Variants in CYRIB observed in about 807,000 individuals in gnomAD.
CYRIB encodes CYFIP related Rac1 interactor B.
In CYRIB, 8 loss-of-function variants were observed where a neutral mutation model predicts 44.2. The ratio of observed to expected loss-of-function variants is 0.18; its 90% CI spans 0.11 to 0.33. The LOEUF is 0.33. CYRIB is among the 10% of genes least tolerant of loss of function. The pLI is 1.00. For missense variants in CYRIB, 185 were observed against 382.8 expected (o/e 0.48, Z 4.31); for synonymous variants, 131 against 127.2 (o/e 1.03, Z -0.20).
intron 4 of CYRIB, among the ~76,000 whole-genome samples, chr8:129,868,877 G>A (rs2055337234): frequency 6.9e-6 from 1 of 144,962 alleles, no homozygotes; most frequent in Admixed American, 7.2e-5. Context: ...TCTCCCAATG[G>A]GAAGTACTGC....
chr8:129,846,992 G>A (rs1358100195), intron 10 of CYRIB, 118 bp from the exon 13 acceptor site: 1 of 570,032 alleles, frequency 1.8e-6, no homozygotes, highest in East Asian at 3.2e-5. Flanking sequence ...TACATACTAT[G>A]TCAAATTAAT....
chr8:129,939,184 C>G (rs2093345987), intron 1 of CYRIB, among the ~76,000 whole-genome samples: 1 of 150,990 alleles, frequency 6.6e-6, no homozygotes, highest in South Asian at 2.1e-4. Context: ...GGGACGGGAA[C>G]AGGGGATGAG....
chr8:129,857,545 G>A (rs1229267226), intron 5 of CYRIB, among the ~76,000 whole-genome samples: 4 of 152,112 alleles, frequency 2.6e-5, no homozygotes, highest in Non-Finnish European at 4.4e-5. Flanking sequence ...TTAAGTACTC[G>A]GGCTTTGGCA....
At chr8:129,900,789 C>T (rs762511444) in intron 2 of CYRIB, among the ~76,000 whole-genome samples, 7 of 152,022 alleles carry the variant, frequency 4.6e-5, no homozygotes, top group Non-Finnish European at 7.4e-5. Context: ...AAGCGGTTCT[C>T]GTGCTTCAGC....
Position 129,860,169 on chromosome 8 carries a change from C to G in CYRIB, c.301+2060G>C, listed in dbSNP as rs552776604. ...GTGCTGTTTGTGCTGGAATAGCACC[C>G]ATGATGGGACACACACCACGAGACC... On this transcript the variant is annotated intron_variant, in intron 5 of 11. Coordinates refer to ENST00000519824, the Ensembl canonical transcript of CYRIB. 6.5e-4 allele frequency among the ~76,000 whole-genome samples: 99 copies of G among 152,268 alleles called. 1 individual carries two copies. In the South Asian group the frequency reaches 0.019, roughly 30 times the overall value.
Position 130,006,607 on chromosome 8 carries a change from C to CACACATATATATGTATATATAT in CYRIB, c.-296+9762_-296+9763insATATATATACATATATATGTGT, listed in dbSNP as rs1359122569. On this transcript the variant is annotated intron_variant, in intron 1 of 14. Coordinates refer to the CYRIB transcript ENST00000401979. ...TAAAAACACAAATTATATATATATA[C>CACACATATATATGTATATATAT]ATATATATGTGTATATATATACATA... Among the ~76,000 whole-genome samples, 26 of 7,120 alleles carry CACACATATATATGTATATATAT rather than the reference C, an allele frequency of 3.7e-3. 1 individual carries two copies. The highest frequency in any genetic ancestry group is 9.3e-3 in the South Asian group (2 of 214). 4.7% of individuals were successfully genotyped at this position (7,120 alleles called of 152,430 possible).
At chr8:129,922,559 T>C (rs2084254205) in intron 1 of CYRIB, among the ~76,000 whole-genome samples, 1 of 152,110 alleles carries the variant, frequency 6.6e-6, no homozygotes, top group Non-Finnish European at 1.5e-5. Flanking sequence ...AACACCAAGA[T>C]CATTTAAAAA....
upstream of CYRIB, among the ~76,000 whole-genome samples, chr8:129,941,554 G>T (rs1208448492): frequency 6.6e-6 from 1 of 152,076 alleles, no homozygotes; most frequent in African/African-American, 2.4e-5. Context: ...GATTACAGGC[G>T]TGAGCCACCG....
intron 4 of CYRIB, among the ~76,000 whole-genome samples, chr8:129,869,402 A>T (rs936167463): frequency 5.3e-5 from 8 of 151,692 alleles, no homozygotes; most frequent in African/African-American, 1.9e-4. Context: ...AAAAAAAAAA[A>T]AATCAAACAG....
intron 1 of CYRIB, among the ~76,000 whole-genome samples, chr8:129,988,426 G>C (rs1368713750): frequency 6.6e-6 from 1 of 152,204 alleles, no homozygotes; most frequent in African/African-American, 2.4e-5. Context: ...GTGGACCTGT[G>C]AATGTTCTTT....
chr8:129,927,539 T>C (rs2088596760), intron 1 of CYRIB, among the ~76,000 whole-genome samples: 1 of 152,198 alleles, frequency 6.6e-6, no homozygotes, highest in Non-Finnish European at 1.5e-5. Flanking sequence ...ACAATGAGCG[T>C]AGGCAAATAC....
Position 129,855,348 on chromosome 8 carries a change from G to A in CYRIB, c.438+263C>T, listed in dbSNP as rs144361649. On this transcript the variant is annotated intron_variant, in intron 6 of 11. Transcript: ENST00000519824. ...AGAGGTTGCAGTGAGCTGAGATCACGCCACTGCACTCTACCCTGAGTGACA... is the reference window on the plus strand; with the variant it reads ...AGAGGTTGCAGTGAGCTGAGATCACACCACTGCACTCTACCCTGAGTGACA... Among the ~76,000 whole-genome samples, 76 of 148,698 alleles carry A rather than the reference G, an allele frequency of 5.1e-4. 1 individual carries two copies. In the South Asian group the frequency reaches 0.01, roughly 20 times the overall value.
chr8:129,900,394 A>C (rs1000504228), intron 2 of CYRIB, among the ~76,000 whole-genome samples: 1 of 152,112 alleles, frequency 6.6e-6, no homozygotes, highest in Non-Finnish European at 1.5e-5. Context: ...TGTTAATCAA[A>C]CTTTAACAGA....
At chr8:129,881,483 T>C (rs889249668) in intron 2 of CYRIB, among the ~76,000 whole-genome samples, 1 of 152,164 alleles carries the variant, frequency 6.6e-6, no homozygotes, top group Non-Finnish European at 1.5e-5. Context: ...TCCCGTCACC[T>C]GTGGCATCCC....
intron 1 of CYRIB, among the ~76,000 whole-genome samples, chr8:129,997,898 G>A (rs1437271430): frequency 3.3e-5 from 5 of 151,882 alleles, no homozygotes; most frequent in Non-Finnish European, 5.9e-5. Context: ...CGAGGCGGGC[G>A]GATCATGAGG....
chr8:129,939,203 G>C (rs921217625), intron 1 of CYRIB, among the ~76,000 whole-genome samples: 1 of 151,930 alleles, frequency 6.6e-6, no homozygotes, highest in Non-Finnish European at 1.5e-5. Context: ...AGGAGAAAAA[G>C]CGGCCGCGAA....
At chr8:129,916,588 A>G (rs2080887564) in intron 1 of CYRIB, among the ~76,000 whole-genome samples, 1 of 152,138 alleles carries the variant, frequency 6.6e-6, no homozygotes, top group Admixed American at 6.5e-5. Flanking sequence ...CCTCCTAAAA[A>G]GGCATTCCTT....
chr8:129,994,326 C>A (rs2096718834), intron 1 of CYRIB, among the ~76,000 whole-genome samples: 2 of 152,182 alleles, frequency 1.3e-5, no homozygotes, highest in Admixed American at 1.3e-4. Context: ...AACCAACCCT[C>A]CCGGCACCTT....
intron 1 of CYRIB, among the ~76,000 whole-genome samples, chr8:129,909,337 GA>G (rs888787188): frequency 6.6e-6 from 1 of 151,958 alleles, no homozygotes; most frequent in Non-Finnish European, 1.5e-5. Context: ...AATACATAAA[GA>G]AAGTGGAAAG....
Sources: gnomAD v4.1 joint callset for allele counts (sites outside exome capture counted in the v4.1 genomes callset) on GRCh38, gnomAD v4.1.1 for gene constraint, MANE v1.5 for transcripts, NCBI Gene and HGNC (gene_info 2026-07-23, HGNC 2026-07-21) for gene names.